ANAPC15: variants seen among roughly 807,000 people sequenced by gnomAD.
The protein encoded by ANAPC15 is anaphase promoting complex subunit 15.
ANAPC15 carries 13 observed loss-of-function variants against 19.8 expected under a neutral mutation model. That is an observed-to-expected ratio of 0.66 (90% CI 0.43 to 1.04). The LOEUF is 1.04. Among genes scored for constraint, ANAPC15 ranks in the 50% least tolerant of loss-of-function variants. The pLI is 0.00. For missense variants in ANAPC15, 88 were observed against 150.3 expected (o/e 0.59, Z 2.17); for synonymous variants, 45 against 50.7 (o/e 0.89, Z 0.47).
downstream of ANAPC15, chr11:72,108,812 C>T: frequency 6.4e-7 from 1 of 1,550,676 alleles, no homozygotes; most frequent in African/African-American, 1.4e-5. Flanking sequence ...CCGCTTCTTG[C>T]AGTATGCTAA....
chr11:72,110,625 A>T (rs1744514746), intron 3 of ANAPC15, 22 bp from the exon 4 acceptor site: 1 of 1,614,158 alleles, frequency 6.2e-7, no homozygotes, highest in Non-Finnish European at 8.5e-7. Context: ...GGCACAGAGG[A>T]ACAAGGCCAG....
downstream of ANAPC15, chr11:72,107,516 G>A (rs1379081540): frequency 1.4e-6 from 1 of 703,002 alleles, no homozygotes; most frequent in Non-Finnish European, 2.6e-6. Context: ...CATGTGGCAT[G>A]AAGGAATGAG....
At chr11:72,107,506 CAT>C (rs1945798879), downstream of ANAPC15, 1 of 702,830 alleles carries the variant, frequency 1.4e-6, no homozygotes, top group Non-Finnish European at 2.6e-6. Flanking sequence ...CACATATACA[CAT>C]GTGGCATGAA....
Position 72,110,525 on chromosome 11 carries a change from A to C in ANAPC15, c.180+19T>G. On this transcript the variant is annotated intron_variant, in intron 4 of 5. Coordinates refer to ENST00000227618, the MANE Select transcript of ANAPC15 (RefSeq NM_014042.3). Reference sequence around the variant, plus strand: ...CCACTGCGGCCCCCACACAGGCCCCACCTGCTAGAGCCACTCACCTCTGAG... The same window carrying C: ...CCACTGCGGCCCCCACACAGGCCCCCCCTGCTAGAGCCACTCACCTCTGAG... The C allele has an allele frequency of 6.2e-7, 1 of 1,614,102 alleles. No individual in the cohort carries two copies. Among genetic ancestry groups the C allele is most frequent in the Non-Finnish European group, 8.5e-7 (1 of 1,179,970 alleles).
downstream of ANAPC15, chr11:72,109,576 A>G (rs1008617007): frequency 4.2e-5 from 21 of 502,170 alleles, no homozygotes; most frequent in African/African-American, 3.9e-4. Context: ...CAAATAGGGA[A>G]TAGACATGGG....
At chr11:72,112,207 G>A (rs934724334) in intron 1 of ANAPC15, 3 of 153,804 alleles carry the variant, frequency 2.0e-5, no homozygotes, top group Non-Finnish European at 2.9e-5. Context: ...TAGGCACGAC[G>A]GTAAACACCC....
In ANAPC15 at chr11:72,111,164, T is replaced by C. The variant is rs1565337755; in HGVS notation, c.113A>G (p.Gln38Arg). The change falls in exon 3 of 6, where the codon CAG becomes CGG. Residue 38 changes from glutamine to arginine, a missense_variant. Physicochemically the swap from Gln to Arg is conservative, Grantham distance 43. Coordinates refer to ENST00000227618, the MANE Select transcript of ANAPC15 (RefSeq NM_014042.3). The part of the protein sequence containing the change: ...TELQQQEQQH[Q>R]AWLQSIAEKD... ...TGCTAGCTGCTCACTCACCCAGGCC[T>C]GATGCTGCTGTTCCTGCTGCTGCAG... The C allele has an allele frequency of 6.3e-7, 1 of 1,594,900 alleles. No homozygotes were observed. The highest frequency in any genetic ancestry group is 1.1e-5 in the South Asian group (1 of 90,670).
intron 5 of ANAPC15, 32 bp from the exon 6 acceptor site, chr11:72,109,960 G>A (rs371950563): frequency 1.2e-6 from 2 of 1,613,922 alleles, no homozygotes; most frequent in East Asian, 4.5e-5. Context: ...GGTGGGGAGG[G>A]GCCTCAGCCA....
downstream of ANAPC15, chr11:72,108,829 T>TG (rs1946014043): frequency 6.4e-7 from 1 of 1,550,634 alleles, no homozygotes; most frequent in Non-Finnish European, 8.7e-7. Flanking sequence ...CTAAGAGCTG[T>TG]GGCCGCTACC....
downstream of ANAPC15, chr11:72,108,980 G>C (rs1946043315): frequency 6.3e-6 from 9 of 1,420,906 alleles, no homozygotes; most frequent in African/African-American, 5.8e-5. Flanking sequence ...CCCAAGCAGG[G>C]ACCTCAAAAT....
downstream of ANAPC15, chr11:72,107,507 A>G (rs757382263): frequency 1.1e-5 from 8 of 702,886 alleles, no homozygotes; most frequent in Non-Finnish European, 1.8e-5. Context: ...ACATATACAC[A>G]TGTGGCATGA....
At chr11:72,107,171 G>A, downstream of ANAPC15, 1 of 463,800 alleles carries the variant, frequency 2.2e-6, no homozygotes, top group Non-Finnish European at 3.8e-6. Flanking sequence ...AAATGCTGAG[G>A]TGGGAGGATT....
At position 72,110,532 on chromosome 11, in the gene ANAPC15, A is replaced by G. The variant is rs745551454; in HGVS notation, c.180+12T>C. On this transcript the variant is annotated intron_variant, in intron 4 of 5. Transcript: ENST00000227618. ...GGCCCCCACACAGGCCCCACCTGCT[A>G]GAGCCACTCACCTCTGAGGCTGGCT... The G allele has an allele frequency of 4.3e-6, 7 of 1,614,046 alleles. No homozygotes were observed. The East Asian group carries it at 1.6e-4, about 36-fold the overall frequency.
At chr11:72,111,593 G>C (rs1473497889) in intron 1 of ANAPC15, 97 bp from the exon 2 acceptor site, 4 of 230,928 alleles carry the variant, frequency 1.7e-5, no homozygotes, top group Non-Finnish European at 3.5e-5. Flanking sequence ...GGCTGTTCAA[G>C]GAGGGATGAG....
In ANAPC15 at chr11:72,110,527, C is replaced by G. The variant is rs200898905; in HGVS notation, c.180+17G>C. On this transcript the variant is annotated intron_variant, in intron 4 of 5. Coordinates refer to ENST00000227618, the MANE Select transcript of ANAPC15 (RefSeq NM_014042.3). ...ACTGCGGCCCCCACACAGGCCCCAC[C>G]TGCTAGAGCCACTCACCTCTGAGGC... 4 of 1,614,120 alleles carry G rather than the reference C, an allele frequency of 2.5e-6. No individual in the cohort carries two copies. Among genetic ancestry groups the G allele is most frequent in the South Asian group, 1.1e-5 (1 of 91,084 alleles).
chr11:72,109,941 C>T lies in ANAPC15; in HGVS notation c.319-13G>A, dbSNP rs773029429. 20 of 1,614,028 alleles carry T rather than the reference C, an allele frequency of 1.2e-5. No individual in the cohort carries two copies. The South Asian group carries it at 2.2e-4, about 18-fold the overall frequency. On this transcript the variant is annotated splice_polypyrimidine_tract_variant and intron_variant, in intron 5 of 5. Transcript: ENST00000227618. ...CTTCCATGTCCACCTGGAGAGGAGG[C>T]TGGGTGTGGGTGGGGAGGGGCCTCA...
rs1177586946 is a variant in ANAPC15, at chr11:72,109,749, C to G, written c.*132G>C. On this transcript the variant is annotated 3_prime_UTR_variant, in exon 6 of 6. Transcript: ENST00000227618. Reference sequence around the variant, plus strand: ...CAAAGAGACCAGATCCTGGCAGCAGCTGAGGAGGTGCCCAAGGGCACTTTC... The same window carrying G: ...CAAAGAGACCAGATCCTGGCAGCAGGTGAGGAGGTGCCCAAGGGCACTTTC... The G allele has an allele frequency of 3.6e-6, 4 of 1,099,912 alleles. No homozygotes were observed. The highest frequency in any genetic ancestry group is 1.8e-5 in the Admixed American group (1 of 54,984). The allele number at this position is 1,099,912 out of a possible 1,614,324, so 68.1% of individuals were successfully genotyped here.
intron 3 of ANAPC15, 36 bp downstream of exon 3, chr11:72,111,121 G>C (rs771751915): frequency 1.4e-6 from 2 of 1,402,720 alleles, no homozygotes; most frequent in Non-Finnish European, 2.0e-6. Context: ...CTCTGTCTGT[G>C]CTGAGGTCTC....
chr11:72,110,067 T>TC (rs761318385), intron 5 of ANAPC15, 21 bp downstream of exon 5: 2 of 1,614,046 alleles, frequency 1.2e-6, no homozygotes, highest in Admixed American at 3.3e-5. Flanking sequence ...ACAGAGGCCC[T>TC]CCCCCATACC....
Sources: allele counts gnomAD v4.1 joint callset, GRCh38; gene constraint gnomAD v4.1.1; transcripts MANE v1.5; gene names NCBI Gene and HGNC (gene_info 2026-07-23, HGNC 2026-07-21).